Variants in DYNC1I2 observed in about 807,000 individuals in gnomAD.
The protein encoded by DYNC1I2 is dynein cytoplasmic 1 intermediate chain 2.
Under a neutral mutation model 88.6 loss-of-function variants are expected in DYNC1I2, and 53 were observed. That is an observed-to-expected ratio of 0.60 (90% confidence interval 0.48 to 0.75). DYNC1I2 has a LOEUF of 0.75. DYNC1I2 is among the 30% of genes least tolerant of loss of function. The probability of loss-of-function intolerance (pLI) is 0.00; values close to 1 mark genes in which losing one functional copy is unlikely to be tolerated. For synonymous variants in DYNC1I2, 198 were observed against 254.6 expected, an observed-to-expected ratio of 0.78 and a Z score of 2.12; for missense variants, 458 against 766.6, an observed-to-expected ratio of 0.60 and a Z score of 4.75.
chr2:171,700,488 A>G (rs549706481), intron 3 of DYNC1I2, among the ~76,000 whole-genome samples: 1 of 152,338 alleles, frequency 6.6e-6, no homozygotes, highest in South Asian at 2.1e-4. Flanking sequence ...TCGTAGCCTT[A>G]TAAGTGATGA....
At chr2:171,739,026 T>G (rs1437806804) in intron 15 of DYNC1I2, among the ~76,000 whole-genome samples, 2 of 149,414 alleles carry the variant, frequency 1.3e-5, no homozygotes, top group African/African-American at 5.0e-5. Flanking sequence ...TGCATGCCTG[T>G]AATCCCAGCT....
At chr2:171,706,622 G>T (rs1686696717) in intron 4 of DYNC1I2, 58 bp downstream of exon 4, 2 of 1,495,294 alleles carry the variant, frequency 1.3e-6, no homozygotes, top group African/African-American at 1.4e-5. Context: ...TTTATGTTAT[G>T]CATAATGTCT....
chr2:171,690,438 G>T (rs903066686), intron 2 of DYNC1I2, among the ~76,000 whole-genome samples, 175 bp downstream of exon 2: 1 of 152,130 alleles, frequency 6.6e-6, no homozygotes, highest in Non-Finnish European at 1.5e-5. Context: ...AAATCTAGCA[G>T]TTCTGACTGC....
At chr2:171,726,741 C>G (rs1213458630) in intron 10 of DYNC1I2, 50 bp from the exon 11 acceptor site, 1 of 1,595,916 alleles carries the variant, frequency 6.3e-7, no homozygotes, top group Admixed American at 1.8e-5. Context: ...GATTATAAAA[C>G]AGTTCTTATT....
intron 7 of DYNC1I2, among the ~76,000 whole-genome samples, chr2:171,717,645 C>A (rs568661121): frequency 2.0e-5 from 3 of 152,066 alleles, no homozygotes; most frequent in Non-Finnish European, 4.4e-5. Context: ...TCTGTAATTT[C>A]TAGAAAATAT....
At chr2:171,720,878 T>C (rs1687853563) in intron 7 of DYNC1I2, among the ~76,000 whole-genome samples, 5 of 152,168 alleles carry the variant, frequency 3.3e-5, no homozygotes, top group Admixed American at 3.3e-4. Context: ...ATTGAAAGAC[T>C]AATCAGCATA....
intron 5 of DYNC1I2, among the ~76,000 whole-genome samples, 165 bp downstream of exon 5, chr2:171,707,542 G>T (rs1234120495): frequency 6.6e-6 from 1 of 151,838 alleles, no homozygotes; most frequent in South Asian, 2.1e-4. Flanking sequence ...GAAAAAAAAG[G>T]TTTCTTTGTT....
intron 3 of DYNC1I2, among the ~76,000 whole-genome samples, chr2:171,700,867 G>T (rs1019747506): frequency 6.6e-6 from 1 of 152,034 alleles, no homozygotes; most frequent in Non-Finnish European, 1.5e-5. Context: ...TCCTGACCTC[G>T]TGATCCACCC....
intron 5 of DYNC1I2, 67 bp from the exon 6 acceptor site, chr2:171,712,700 A>C: frequency 9.3e-7 from 1 of 1,079,032 alleles, no homozygotes; most frequent in Non-Finnish European, 1.4e-6. Flanking sequence ...TATTCATAGA[A>C]TGTATTTGCT....
Position 171,728,937 on chromosome 2 carries a change from C to T in DYNC1I2, c.1391+87C>T, listed in dbSNP as rs539676587. The T allele has an allele frequency of 1.8e-5, 25 of 1,366,452 alleles. No individual in the cohort carries two copies. The South Asian group carries it at 2.0e-4, about 11-fold the overall frequency. 84.6% of individuals were successfully genotyped at this position (1,366,452 alleles called of 1,614,324 possible). A position where few individuals can be genotyped will look rare whatever the true frequency, so the allele number is the denominator to read the frequency against. ...TTGTCTTATTTAAGTAGAAATCTGT[C>T]GTAGATCTACTTGTTATTTGTGACA... is the stretch of plus-strand genomic sequence containing the variant. On this transcript the variant is annotated intron_variant, in intron 14 of 17. Transcript: ENST00000397119.
chr2:171,731,783 G>A (rs930604111), intron 15 of DYNC1I2, among the ~76,000 whole-genome samples: 6 of 135,064 alleles, frequency 4.4e-5, no homozygotes, highest in African/African-American at 9.9e-5. Flanking sequence ...GCTCTGACCA[G>A]CTGTGACCTT....
At chr2:171,718,899 A>G (rs1261856030) in intron 7 of DYNC1I2, among the ~76,000 whole-genome samples, 2 of 152,226 alleles carry the variant, frequency 1.3e-5, no homozygotes, top group Non-Finnish European at 2.9e-5. Context: ...TGAAACTGAA[A>G]GAGGTAGTTT....
Position 171,692,204 on chromosome 2 carries a change from C to T in DYNC1I2, c.109-573C>T, listed in dbSNP as rs80157889. Among the ~76,000 whole-genome samples the T allele has an allele frequency of 1.4e-4, 22 of 151,884 alleles. No individual in the cohort carries two copies. In the East Asian group the frequency reaches 3.9e-3, roughly 27 times the overall value. ...AGATTGTGCTAAAACGATAAATAGCCGAGATAAAAGCTGACAAAAATTTTC... is the reference window on the plus strand; with the variant it reads ...AGATTGTGCTAAAACGATAAATAGCTGAGATAAAAGCTGACAAAAATTTTC... On this transcript the variant is annotated intron_variant, in intron 2 of 17. Transcript: ENST00000397119.
At chr2:171,737,516 C>T (rs12471160) in intron 15 of DYNC1I2, among the ~76,000 whole-genome samples, 2 of 152,268 alleles carry the variant, frequency 1.3e-5, no homozygotes, top group African/African-American at 2.4e-5. Flanking sequence ...CTCCCAGGTT[C>T]AAGCGATTAT....
At chr2:171,734,679 T>C (rs1017415655) in intron 15 of DYNC1I2, among the ~76,000 whole-genome samples, 19 of 152,224 alleles carry the variant, frequency 1.2e-4, no homozygotes, top group African/African-American at 3.6e-4. Context: ...CTAACTTTTC[T>C]GCACACAAGT....
intron 7 of DYNC1I2, among the ~76,000 whole-genome samples, chr2:171,716,200 GT>G (rs1354271619): frequency 6.6e-6 from 1 of 151,840 alleles, no homozygotes; most frequent in Non-Finnish European, 1.5e-5. Context: ...AGAATTCCAA[GT>G]TTTTCAGATT....
At chr2:171,701,136 C>A (rs995227285) in intron 3 of DYNC1I2, among the ~76,000 whole-genome samples, 1 of 152,150 alleles carries the variant, frequency 6.6e-6, no homozygotes, top group Non-Finnish European at 1.5e-5. Flanking sequence ...TTATATTCAT[C>A]TTGAATGGGC....
At chr2:171,745,969 T>C in intron 17 of DYNC1I2, 42 bp downstream of exon 17, 6 of 1,610,182 alleles carry the variant, frequency 3.7e-6, no homozygotes, top group Non-Finnish European at 5.1e-6. Context: ...ATCGATTTAG[T>C]TGCATTGTAG....
At chr2:171,726,352 CATTTT>C in intron 10 of DYNC1I2, 59 bp downstream of exon 10, 1 of 1,174,254 alleles carries the variant, frequency 8.5e-7, no homozygotes, top group Non-Finnish European at 1.2e-6. Context: ...ATTAGCAGGT[CATTTT>C]ATTTTAATTA....
Sources: allele counts gnomAD v4.1 joint callset (sites outside exome capture counted in the v4.1 genomes callset), GRCh38; gene constraint gnomAD v4.1.1; transcripts MANE v1.5; gene names NCBI Gene and HGNC (gene_info 2026-07-23, HGNC 2026-07-21).